Variants in FER observed in about 807,000 individuals in gnomAD.
FER encodes tyrosine-protein kinase Fer.
In FER, 63 loss-of-function variants were observed where a neutral mutation model predicts 111.0. That is an observed-to-expected ratio of 0.57 (90% confidence interval 0.46 to 0.70). The LOEUF (loss-of-function observed/expected upper bound fraction) is 0.70, where lower values mean the gene tolerates loss of function less well. Among genes scored for constraint, FER ranks in the 30% least tolerant of loss-of-function variants. The pLI is 0.00. For synonymous variants in FER, 327 were observed against 313.9 expected, an observed-to-expected ratio of 1.04 and a Z score of -0.44; for missense variants, 914 against 954.0, an observed-to-expected ratio of 0.96 and a Z score of 0.55.
At chr5:108,865,098 G>A (rs887835892) in intron 5 of FER, among the ~76,000 whole-genome samples, 6 of 152,120 alleles carry the variant, frequency 3.9e-5, no homozygotes, top group African/African-American at 1.4e-4. Flanking sequence ...GGATTCCTAA[G>A]TATTTTATTC....
chr5:109,022,412 G>A (rs1191979387), intron 13 of FER, among the ~76,000 whole-genome samples: 1 of 152,124 alleles, frequency 6.6e-6, no homozygotes, highest in Non-Finnish European at 1.5e-5. Context: ...TAGGCTTGCA[G>A]TACAGGACCT....
chr5:109,141,737 T>C (rs949191828), intron 17 of FER, among the ~76,000 whole-genome samples: 2 of 152,190 alleles, frequency 1.3e-5, no homozygotes, highest in Non-Finnish European at 2.9e-5. Flanking sequence ...CAAATTTCAC[T>C]GACTAAGTCA....
At chr5:109,129,581 A>G (rs572297392) in intron 17 of FER, among the ~76,000 whole-genome samples, 1 of 152,162 alleles carries the variant, frequency 6.6e-6, no homozygotes, top group East Asian at 1.9e-4. Flanking sequence ...AACATATTCG[A>G]TAAACTAAAT....
In FER at chr5:108,756,847, G is replaced by T. The variant is rs564175386; in HGVS notation, c.-206+8847G>T. On this transcript the variant is annotated intron_variant, in intron 1 of 19. Transcript: ENST00000281092. ...CCTCCTCAACATTTTAACCTCCCAG[G>T]TAGAGACAGTTTCTGTCAATATAAG... is the stretch of plus-strand genomic sequence containing the variant. 1.1e-4 allele frequency among the ~76,000 whole-genome samples: 17 copies of T among 152,124 alleles called. No homozygotes were observed. The East Asian group carries it at 3.1e-3, about 28-fold the overall frequency.
At chr5:108,811,115 C>A (rs377068547) in intron 3 of FER, among the ~76,000 whole-genome samples, 8 of 151,412 alleles carry the variant, frequency 5.3e-5, no homozygotes, top group African/African-American at 1.9e-4. Context: ...GTAGGGCATC[C>A]CAGGCTGCTG....
At chr5:109,041,028 G>T (rs1302716443) in intron 14 of FER, among the ~76,000 whole-genome samples, 1 of 152,088 alleles carries the variant, frequency 6.6e-6, no homozygotes, top group Non-Finnish European at 1.5e-5. Context: ...AATGAGGATG[G>T]GAGATTTGAG....
Position 108,963,423 on chromosome 5 carries a change from G to A in FER, c.1656+4076G>A, listed in dbSNP as rs186594666. Among the ~76,000 whole-genome samples, 67 of 152,134 alleles carry A rather than the reference G, an allele frequency of 4.4e-4. 1 individual carries two copies. Among genetic ancestry groups the A allele is most frequent in the African/African-American group, 1.5e-3 (61 of 41,504 alleles). On this transcript the variant is annotated intron_variant, in intron 13 of 19. Transcript: ENST00000281092. ...CTAAAAATACAAAAATTAGCCAGGT[G>A]TGGTGGCACACACCTATAATCCCAG... is the stretch of plus-strand genomic sequence containing the variant.
intron 5 of FER, among the ~76,000 whole-genome samples, chr5:108,845,170 T>C (rs751269612): frequency 6.7e-6 from 1 of 148,394 alleles, no homozygotes; most frequent in Non-Finnish European, 1.5e-5. Flanking sequence ...GACTTTTGTT[T>C]TGTTTTGTTT....
Position 109,044,697 on chromosome 5 carries a change from A to G in FER, c.1731A>G (p.Val577=). The G allele has an allele frequency of 6.4e-7, 1 of 1,574,720 alleles. No homozygotes were observed. Residue 577 remains valine, a synonymous_variant, in exon 15 of 20, where the codon GTA becomes GTG. Coordinates refer to ENST00000281092, the MANE Select transcript of FER (RefSeq NM_005246.4). ...ATTTTCAGGGAAATTTTGGTGAAGT[A>G]TATAAGGGCACATTAAAGGATAAAA... The part of the protein sequence containing the change: ...ELLGKGNFGE[V]YKGTLKDKTS...
chr5:109,160,799 G>T (rs1755906286), intron 17 of FER, among the ~76,000 whole-genome samples: 1 of 152,094 alleles, frequency 6.6e-6, no homozygotes, highest in African/African-American at 2.4e-5. Context: ...GACCAATTGT[G>T]TAGCTGTATA....
chr5:108,977,959 C>T (rs1388310768), intron 13 of FER, among the ~76,000 whole-genome samples: 1 of 152,168 alleles, frequency 6.6e-6, no homozygotes, highest in East Asian at 1.9e-4. Flanking sequence ...GATCCTCCTG[C>T]CTCAGCCTCC....
rs1767587436 is a variant in FER, at chr5:109,019,112, C to CA, written c.1657-18304dup. 4.0e-5 allele frequency among the ~76,000 whole-genome samples: 6 copies of CA among 151,366 alleles called. No homozygotes were observed. The South Asian group carries it at 1.2e-3, about 31-fold the overall frequency. On this transcript the variant is annotated intron_variant, in intron 13 of 19. Transcript: ENST00000281092. ...GGTTTGAATGTATCATAGACAGCTT[C>CA]AAAAAATGTCCCTTTATCCACATTT...
chr5:108,913,719 G>A (rs1751873179), intron 10 of FER, among the ~76,000 whole-genome samples: 1 of 152,166 alleles, frequency 6.6e-6, no homozygotes, highest in African/African-American at 2.4e-5. Context: ...ATTCACAGGA[G>A]CACAATTTAT....
chr5:109,164,665 T>C (rs115914590), intron 17 of FER, among the ~76,000 whole-genome samples: 1 of 152,186 alleles, frequency 6.6e-6, no homozygotes, highest in Non-Finnish European at 1.5e-5. Context: ...TTTAGAAATA[T>C]GGTTCCTTTT....
At chr5:108,875,707 C>T (rs1364789312) in intron 8 of FER, among the ~76,000 whole-genome samples, 1 of 152,042 alleles carries the variant, frequency 6.6e-6, no homozygotes, top group Non-Finnish European at 1.5e-5. Flanking sequence ...ATCAACACAT[C>T]AGTAGGCTAA....
chr5:109,112,676 G>A (rs1398089588), intron 17 of FER, among the ~76,000 whole-genome samples: 1 of 152,094 alleles, frequency 6.6e-6, no homozygotes, highest in Non-Finnish European at 1.5e-5. Context: ...TTCGACCTTA[G>A]TTTTCTTGTC....
At position 108,924,360 on chromosome 5, in the gene FER, C is replaced by CAAAAAAAAAAAAAAAA. The variant is rs59469649; in HGVS notation, c.1237-21763_1237-21748dup. On this transcript the variant is annotated intron_variant, in intron 10 of 19. Coordinates refer to ENST00000281092, the MANE Select transcript of FER (RefSeq NM_005246.4). ...GGGCGACAAGAGCGAAACTCTGTCT[C>CAAAAAAAAAAAAAAAA]AAAAAAAAAAAAAAAAAAAAAATCA... 2.3e-4 allele frequency among the ~76,000 whole-genome samples: 23 copies of CAAAAAAAAAAAAAAAA among 99,070 alleles called. 2 individuals carry two copies. The highest frequency in any genetic ancestry group is 8.2e-4 in the African/African-American group (22 of 26,864). The allele number at this position is 99,070 out of a possible 152,430, so 65.0% of individuals were successfully genotyped here.
At chr5:108,783,829 A>G (rs926010744) in intron 2 of FER, among the ~76,000 whole-genome samples, 1 of 152,088 alleles carries the variant, frequency 6.6e-6, no homozygotes. Context: ...GGATTTCCTT[A>G]CCATGCTCCC....
chr5:108,770,583 T>G (rs995803713), intron 2 of FER, among the ~76,000 whole-genome samples: 1 of 152,112 alleles, frequency 6.6e-6, no homozygotes, highest in Non-Finnish European at 1.5e-5. Context: ...AGTTTTGTTA[T>G]GTTGTGCAGG....
Sources: allele counts gnomAD v4.1 joint callset (sites outside exome capture counted in the v4.1 genomes callset), GRCh38; gene constraint gnomAD v4.1.1; transcripts MANE v1.5; gene names NCBI Gene and HGNC (gene_info 2026-07-23, HGNC 2026-07-21).